Variants in TEP1 observed in about 807,000 individuals in gnomAD.
The protein encoded by TEP1 is telomerase protein component 1.
Under a neutral mutation model 306.3 loss-of-function variants are expected in TEP1, and 241 were observed. The observed-to-expected ratio is 0.79, with a 90% confidence interval of 0.71 to 0.88. The LOEUF (loss-of-function observed/expected upper bound fraction) is 0.88, where lower values mean the gene tolerates loss of function less well. TEP1 is among the 40% of genes least tolerant of loss of function. The pLI is 0.00. For missense variants in TEP1, 3,051 were observed against 3,276.1 expected, an observed-to-expected ratio of 0.93 and a Z score of 1.68; for synonymous variants, 1,289 against 1,305.5, an observed-to-expected ratio of 0.99 and a Z score of 0.27.
Position 20,381,057 on chromosome 14 carries a change from A to G in TEP1, c.4648-12T>C. The G allele has an allele frequency of 6.2e-7, 1 of 1,608,556 alleles. No individual in the cohort carries two copies. The highest frequency in any genetic ancestry group is 8.5e-7 in the Non-Finnish European group (1 of 1,174,896). On this transcript the variant is annotated splice_polypyrimidine_tract_variant and intron_variant, in intron 32 of 54. Transcript: ENST00000262715. The surrounding 1 kb of genome is among the most constrained non-coding windows in gnomAD (Gnocchi z 4.0). ...TTCCCGCTCTGGAGCTGAGAAGGTC[A>G]GATTGAATTCATTAGGGATATGAAG...
chr14:20,401,036 C>T lies in TEP1; in HGVS notation c.1497G>A (p.Glu499=). 1 of 1,614,254 alleles carries T rather than the reference C, an allele frequency of 6.2e-7. No homozygotes were observed. Among genetic ancestry groups the T allele is most frequent in the Non-Finnish European group, 8.5e-7 (1 of 1,180,054 alleles). The change falls in exon 9 of 55, where the codon GAG becomes GAA. Residue 499 remains glutamate, a synonymous_variant. Transcript: ENST00000262715. ...TGTTCCCCCGTAGGCTCAGCTCCCG[C>T]TCCCAGGTCTCTGGCCTAGACAGCT... is the stretch of plus-strand genomic sequence containing the variant. ...RMKLSRPETW[E]RELSLRGNKA...
rs1594322286 is a variant in TEP1 at position 20,373,516 on chromosome 14, A to G, written c.6672T>C (p.His2224=). The G allele has an allele frequency of 6.2e-7, 1 of 1,614,234 alleles. No individual in the cohort carries two copies. The highest frequency in any genetic ancestry group is 8.5e-7 in the Non-Finnish European group (1 of 1,180,040). Reference sequence around the variant, plus strand: ...CCTTGCAGGAACTCACCAAGAGTGGATGCCATAACCGTGTGGCCCCATCTA... The same window carrying G: ...CCTTGCAGGAACTCACCAAGAGTGGGTGCCATAACCGTGTGGCCCCATCTA... ...VGLDGATRLW[H]PLLVCQTHTL... Residue 2224 remains histidine, a synonymous_variant, in exon 46 of 55, where the codon CAT becomes CAC. Transcript: ENST00000262715.
Position 20,408,520 on chromosome 14 carries a change from A to C in TEP1, c.-24-57T>G, listed in dbSNP as rs1359135677. ...CTGGCTGCACTGAGCGTGTATTTGCATGAGAGCATATCTTCCCCACAGCCC... is the reference window on the plus strand; with the variant it reads ...CTGGCTGCACTGAGCGTGTATTTGCCTGAGAGCATATCTTCCCCACAGCCC... On this transcript the variant is annotated intron_variant, in intron 1 of 54. Transcript: ENST00000262715. The C allele has an allele frequency of 1.7e-5, 23 of 1,339,752 alleles. 1 individual carries two copies. The highest frequency in any genetic ancestry group is 2.1e-5 in the Non-Finnish European group (21 of 981,996). The allele number at this position is 1,339,752 out of a possible 1,614,324, so 83.0% of individuals were successfully genotyped here.
Position 20,373,169 on chromosome 14 carries a change from T to A in TEP1, c.6815-22A>T, listed in dbSNP as rs543676751. The stretch of plus-strand genomic sequence containing the variant: ...TCATCTGGAGGAGAAAGGACGTGTT[T>A]CATTAGGAGCTGGGATACTGCTGGG... On this transcript the variant is annotated intron_variant, in intron 47 of 54. Coordinates refer to ENST00000262715, the MANE Select transcript of TEP1 (RefSeq NM_007110.5). 38 of 1,614,040 alleles carry A rather than the reference T, an allele frequency of 2.4e-5. No individual in the cohort carries two copies. In the East Asian group the frequency reaches 7.1e-4, roughly 30 times the overall value.
chr14:20,382,783 C>A (rs1876707035), intron 27 of TEP1, 68 bp from the exon 28 acceptor site: 2 of 1,463,486 alleles, frequency 1.4e-6, no homozygotes, highest in South Asian at 2.3e-5. Context: ...TGCCCCAGCA[C>A]CAGCCCCTCT....
chr14:20,382,242 G>T lies in TEP1; in HGVS notation c.4255C>A (p.Leu1419Ile). The T allele has an allele frequency of 6.2e-7, 1 of 1,614,100 alleles. No homozygotes were observed. Among genetic ancestry groups the T allele is most frequent in the Non-Finnish European group, 8.5e-7 (1 of 1,180,012 alleles). ...PDVLPQALTA[L>I]EVTRSGLTVD... ...CACTGACCACTCCGTGTGACTTCTA[G>T]GGCAGTCAAGGCCTGGGGAAGGACA... is the stretch of plus-strand genomic sequence containing the variant. Residue 1419 changes from leucine to isoleucine, a missense_variant, in exon 29 of 55, where the codon CTA (leucine) becomes ATA (isoleucine). Physicochemically the swap from Leu to Ile is conservative, Grantham distance 5 (BLOSUM62 2). Transcript: ENST00000262715.
rs757297310 is a variant in TEP1, at chr14:20,391,668, G to A, written c.2028C>T (p.Gly676=). Residue 676 remains glycine (G), a synonymous_variant, in exon 13 of 55, where the codon GGC becomes GGT. Transcript: ENST00000262715. ...SVKHSLPLLP[G]RTVLVYLTDA... is the part of the protein sequence containing the mutation. ...CTGTCAGATAGACCAAGACAGTGCG[G>A]CCTGGCAGCAGGGGCAGGCTGTGCT... 3.3e-5 allele frequency: 53 copies of A among 1,614,072 alleles called. 2 individuals are homozygous for A. The South Asian group carries it at 5.7e-4, about 17-fold the overall frequency.
At chr14:20,402,009 C>T (rs1479635148) in intron 7 of TEP1, among the ~76,000 whole-genome samples, 1 of 152,162 alleles carries the variant, frequency 6.6e-6, no homozygotes, top group Admixed American at 6.5e-5. Flanking sequence ...GGCGTGGTGG[C>T]TCATGCCTAT....
intron 35 of TEP1, 146 bp downstream of exon 35, chr14:20,379,784 T>G (rs1566449588): frequency 7.7e-6 from 8 of 1,037,708 alleles, no homozygotes; most frequent in Non-Finnish European, 1.1e-5. Context: ...ATTGATTTTT[T>G]GGCCAAGCCC....
chr14:20,409,915 G>C (rs544579496), intron 1 of TEP1, among the ~76,000 whole-genome samples: 1 of 150,652 alleles, frequency 6.6e-6, no homozygotes, highest in African/African-American at 2.4e-5. Flanking sequence ...CCAGCTACTC[G>C]GGAGGCTGAG....
rs117775572 is a variant in TEP1, at chr14:20,383,549, T to C, written c.3806A>G (p.Asp1269Gly). 5.9e-4 allele frequency: 952 copies of C among 1,614,216 alleles called. 11 individuals carry two copies. The East Asian group carries it at 0.016, about 26-fold the overall frequency. Residue 1269 changes from aspartate (D) to glycine (G), a missense_variant, in exon 26 of 55, where the codon GAT (aspartate) becomes GGT (glycine). Asp to Gly is a moderately conservative substitution (Grantham distance 94). Transcript: ENST00000262715. ...QTQVLIIDGADRLVDQNGQLI... is the reference protein window; with the variant it reads ...QTQVLIIDGAGRLVDQNGQLI... ...CTGCCCATTCTGGTCCACTAACCTATCAGCCCCATCGATGATCAGGACCTG... is the reference window on the plus strand; with the variant it reads ...CTGCCCATTCTGGTCCACTAACCTACCAGCCCCATCGATGATCAGGACCTG...
chr14:20,377,993 A>C (rs1885294422), intron 39 of TEP1, 31 bp downstream of exon 39: 1 of 1,606,712 alleles, frequency 6.2e-7, no homozygotes, highest in South Asian at 1.1e-5. Context: ...ACTCCTCCTC[A>C]CAACCCACCA....
At chr14:20,395,306 C>T in intron 12 of TEP1, 144 bp downstream of exon 12, 1 of 716,850 alleles carries the variant, frequency 1.4e-6, no homozygotes, top group East Asian at 2.7e-5. Flanking sequence ...GTGTGCTGTG[C>T]AAGAAACCAG....
In TEP1 at chr14:20,377,305, G is replaced by T. The variant is rs556397357; in HGVS notation, c.6063C>A (p.Ser2021=). 7 of 1,613,448 alleles carry T rather than the reference G, an allele frequency of 4.3e-6. No individual in the cohort carries two copies. In the African/African-American group the frequency reaches 9.3e-5, roughly 22 times the overall value. ...CTGAGGCAGAAGCCAAGAGCTCCTG[G>T]GAAGTGGCCAGTCCTAGCACAGGCT... ...FQKPVLGLAT[S]QELLASASED... is the part of the protein sequence containing the mutation. Residue 2021 remains serine, a synonymous_variant, in exon 41 of 55, where the codon TCC becomes TCA. Coordinates refer to ENST00000262715, the MANE Select transcript of TEP1 (RefSeq NM_007110.5).
chr14:20,388,737 A>G (rs779107793), intron 17 of TEP1, among the ~76,000 whole-genome samples: 2 of 152,206 alleles, frequency 1.3e-5, no homozygotes, highest in Non-Finnish European at 2.9e-5. Flanking sequence ...ATGAGGTAGA[A>G]GCTGAGTATT....
intron 27 of TEP1, 32 bp downstream of exon 27, chr14:20,383,142 A>C (rs375860266): frequency 6.4e-7 from 1 of 1,554,400 alleles, no homozygotes; most frequent in African/African-American, 1.4e-5. Flanking sequence ...GATTCACCCC[A>C]CACACCCACC....
intron 41 of TEP1, among the ~76,000 whole-genome samples, chr14:20,376,584 T>G (rs904771065): frequency 2.0e-5 from 3 of 152,222 alleles, no homozygotes; most frequent in Admixed American, 2.0e-4. Context: ...AAGTGTCCAG[T>G]GTCACTTCCA....
intron 27 of TEP1, 48 bp downstream of exon 27, chr14:20,383,126 C>T (rs765407018): frequency 8.5e-6 from 13 of 1,534,042 alleles, no homozygotes; most frequent in Non-Finnish European, 1.1e-5. Context: ...GTCCTCATAG[C>T]TCCCAGATTC....
intron 9 of TEP1, among the ~76,000 whole-genome samples, chr14:20,398,086 A>T (rs1286150917): frequency 6.6e-6 from 1 of 151,612 alleles, no homozygotes; most frequent in Non-Finnish European, 1.5e-5. Context: ...TTTAAGGTTT[A>T]TATCAATTTT....
Sources: gnomAD v4.1 joint callset for allele counts (sites outside exome capture counted in the v4.1 genomes callset) on GRCh38, gnomAD v4.1.1 for gene constraint, Gnocchi (gnomAD v3.1) non-coding constraint, MANE v1.5 for transcripts, NCBI Gene and HGNC (gene_info 2026-07-23, HGNC 2026-07-21) for gene names.